PCDHGA2: variants seen among roughly 807,000 people sequenced by gnomAD.
The protein encoded by PCDHGA2 is protocadherin gamma-A2.
PCDHGA2 carries 40 observed loss-of-function variants against 59.2 expected under a neutral mutation model. The observed-to-expected ratio is 0.68, with a 90% CI of 0.52 to 0.88. The LOEUF (loss-of-function observed/expected upper bound fraction) is 0.88, where lower values mean the gene tolerates loss of function less well. PCDHGA2 is among the 40% of genes least tolerant of loss of function. The pLI is 0.00. For missense variants in PCDHGA2, 1,226 were observed against 1,204.0 expected, an observed-to-expected ratio of 1.02 and a Z score of -0.27; for synonymous variants, 560 against 526.0, an observed-to-expected ratio of 1.06 and a Z score of -0.89.
chr5:141,395,643 T>A (rs2150633577), intron 1 of PCDHGA2: 1 of 171,018 alleles, frequency 5.8e-6, no homozygotes, highest in East Asian at 1.7e-4. Flanking sequence ...GCCTTGTTAT[T>A]AGCTTAGCAA....
intron 1 of PCDHGA2, chr5:141,345,565 C>A (rs964266181): frequency 3.1e-6 from 5 of 1,614,130 alleles, no homozygotes; most frequent in Non-Finnish European, 3.4e-6. Flanking sequence ...AACTCCAACA[C>A]TGGCGTCCTA....
chr5:141,388,558 C>T (rs928285766), intron 1 of PCDHGA2: 21 of 1,613,792 alleles, frequency 1.3e-5, no homozygotes, highest in African/African-American at 2.7e-5. Flanking sequence ...CTAAGCAGCA[C>T]TGCACAGATA....
At chr5:141,495,279 G>T (rs72790069) in intron 2 of PCDHGA2, among the ~76,000 whole-genome samples, 4 of 152,146 alleles carry the variant, frequency 2.6e-5, no homozygotes, top group Non-Finnish European at 5.9e-5. Context: ...CGGAGGAGGC[G>T]GTCCGCACTC....
intron 1 of PCDHGA2, chr5:141,415,978 C>A: frequency 5.7e-6 from 2 of 353,430 alleles, no homozygotes; most frequent in Non-Finnish European, 9.4e-6. Flanking sequence ...CTTAAGCAAC[C>A]CTCTTGTTCT....
chr5:141,373,804 T>C, intron 1 of PCDHGA2: 1 of 335,232 alleles, frequency 3.0e-6, no homozygotes, highest in Non-Finnish European at 5.4e-6. Flanking sequence ...ATCCTCTGTG[T>C]GATAGTTTCA....
At chr5:141,495,446 C>A (rs1165861519) in intron 2 of PCDHGA2, among the ~76,000 whole-genome samples, 1 of 152,220 alleles carries the variant, frequency 6.6e-6, no homozygotes, top group African/African-American at 2.4e-5. Flanking sequence ...CCCTACTTGT[C>A]CTGCTCTCTG....
chr5:141,361,222 G>A, intron 1 of PCDHGA2: 1 of 1,613,958 alleles, frequency 6.2e-7, no homozygotes, highest in Non-Finnish European at 8.5e-7. Flanking sequence ...TTCGCCACCA[G>A]GAACAGTGAT....
In PCDHGA2 at chr5:141,490,390, G is replaced by C. The variant is rs2099699651; in HGVS notation, c.2425-4417G>C. The C allele has an allele frequency of 6.2e-7, 1 of 1,614,074 alleles. No individual in the cohort carries two copies. The highest frequency in any genetic ancestry group is 8.5e-7 in the Non-Finnish European group (1 of 1,180,040). On this transcript the variant is annotated intron_variant, in intron 1 of 3. Coordinates refer to ENST00000394576, the MANE Select transcript of PCDHGA2 (RefSeq NM_018915.4). This position sits in a 1 kb window ranked among gnomAD's most constrained non-coding sequence, Gnocchi z 5.4. ...AGACCGGGACTCAGGTAGAAATGGT[G>C]AAGTGAGCCTTGATATCTCTCCGGA... is the stretch of plus-strand genomic sequence containing the variant.
At chr5:141,412,001 A>G (rs2095528527) in intron 1 of PCDHGA2, 1 of 151,750 alleles carries the variant, frequency 6.6e-6, no homozygotes, top group Non-Finnish European at 1.5e-5. Flanking sequence ...GCATAGTGAC[A>G]TAAACACTTC....
intron 1 of PCDHGA2, chr5:141,392,681 G>T: frequency 1.9e-6 from 2 of 1,026,496 alleles, no homozygotes; most frequent in Non-Finnish European, 2.7e-6. Flanking sequence ...CTGGACTGCA[G>T]CGAAACCCGA....
At chr5:141,461,607 A>C (rs74634930) in intron 1 of PCDHGA2, among the ~76,000 whole-genome samples, 8,353 of 152,212 alleles carry the variant, frequency 0.055, 473 homozygotes, top group African/African-American at 0.15. Flanking sequence ...AATTTAGTTC[A>C]AAGTATTTTC....
intron 1 of PCDHGA2, chr5:141,393,417 A>C: frequency 6.2e-7 from 1 of 1,614,032 alleles, no homozygotes; most frequent in Non-Finnish European, 8.5e-7. Context: ...CGCCCTGGAC[A>C]GGGAGGAAGA....
intron 1 of PCDHGA2, chr5:141,356,029 G>A (rs558981733): frequency 6.2e-6 from 10 of 1,613,954 alleles, no homozygotes; most frequent in South Asian, 5.5e-5. Flanking sequence ...CAATGGAGAC[G>A]TGACGTATTC....
intron 1 of PCDHGA2, among the ~76,000 whole-genome samples, chr5:141,447,652 C>T (rs901761789): frequency 6.6e-6 from 1 of 151,972 alleles, no homozygotes; most frequent in African/African-American, 2.4e-5. Context: ...TAGAATTTTC[C>T]CCCCCAGGAA....
chr5:141,352,246 T>C (rs1561502779), intron 1 of PCDHGA2: 3 of 1,614,080 alleles, frequency 1.9e-6, no homozygotes, highest in Non-Finnish European at 2.5e-6. Flanking sequence ...TCTTCGCGGA[T>C]AGCCTGCAAG....
chr5:141,476,455 G>C lies in PCDHGA2; in HGVS notation c.2425-18352G>C, dbSNP rs572682842. On this transcript the variant is annotated intron_variant, in intron 1 of 3. Transcript: ENST00000394576. The surrounding 1 kb of genome is among the most constrained non-coding windows in gnomAD (Gnocchi z 7.6). ...CTGTAACTCTGGAGTTGGTAGTGGA[G>C]AACCCGCTGGAGCTGTTCAGCGTGG... 22 of 1,614,152 alleles carry C rather than the reference G, an allele frequency of 1.4e-5. No homozygotes were observed. In the South Asian group the frequency reaches 2.4e-4, roughly 18 times the overall value.
intron 1 of PCDHGA2, chr5:141,362,370 G>A: frequency 6.2e-7 from 1 of 1,614,042 alleles, no homozygotes; most frequent in South Asian, 1.1e-5. Flanking sequence ...ATTACAGTGA[G>A]GGTACATTGC....
chr5:141,346,757 G>A (rs377180862), intron 1 of PCDHGA2, among the ~76,000 whole-genome samples: 100 of 152,326 alleles, frequency 6.6e-4, no homozygotes, highest in Middle Eastern at 3.4e-3. Context: ...AATTGTGACT[G>A]CTCCTTCTAC....
At chr5:141,419,974 C>T (rs368697962) in intron 1 of PCDHGA2, 3 of 1,613,962 alleles carry the variant, frequency 1.9e-6, no homozygotes, top group Non-Finnish European at 2.5e-6. Context: ...TCTTTCTCCT[C>T]GCGGTGATTC....
Sources: allele counts gnomAD v4.1 joint callset (sites outside exome capture counted in the v4.1 genomes callset), GRCh38; gene constraint gnomAD v4.1.1; non-coding constraint Gnocchi (gnomAD v3.1); transcripts MANE v1.5; gene names NCBI Gene and HGNC (gene_info 2026-07-23, HGNC 2026-07-21).